NMU: variants seen among roughly 807,000 people sequenced by gnomAD.
NMU encodes the protein neuromedin U.
A neutral mutation model predicts 35.4 loss-of-function variants in NMU; 29 were observed. The ratio of observed to expected loss-of-function variants is 0.82; its 90% CI spans 0.61 to 1.12. The LOEUF is 1.12. Among genes scored for constraint, NMU ranks in the 50% most tolerant of loss-of-function variants. The pLI is 0.00. For missense variants in NMU, 199 were observed against 206.2 expected (o/e 0.97, Z 0.21); for synonymous variants, 78 against 81.3 (o/e 0.96, Z 0.22).
intron 9 of NMU, among the ~76,000 whole-genome samples, chr4:55,597,664 C>A (rs1023309787): frequency 7.9e-5 from 12 of 152,102 alleles, no homozygotes; most frequent in Admixed American, 7.9e-4. Flanking sequence ...CCGTGCCCAG[C>A]CGCGGGTATA....
chr4:55,599,043 T>C, intron 9 of NMU, 99 bp downstream of exon 9: 2 of 768,632 alleles, frequency 2.6e-6, no homozygotes, highest in Non-Finnish European at 4.5e-6. Flanking sequence ...CATAGTTTAA[T>C]TTGTGACTAT....
At chr4:55,618,727 C>CT (rs1553910947) in intron 2 of NMU, among the ~76,000 whole-genome samples, 1 of 141,212 alleles carries the variant, frequency 7.1e-6, no homozygotes, top group Non-Finnish European at 1.5e-5. Flanking sequence ...TTCTCTCTTT[C>CT]TTCTTTCTTT....
intron 2 of NMU, among the ~76,000 whole-genome samples, chr4:55,624,145 A>G (rs1462804299): frequency 6.6e-6 from 1 of 150,550 alleles, no homozygotes; most frequent in African/African-American, 2.4e-5. Flanking sequence ...AAGCAATGGC[A>G]ACAAAAGCCA....
chr4:55,618,077 G>A (rs1734178199), intron 2 of NMU, among the ~76,000 whole-genome samples: 1 of 152,190 alleles, frequency 6.6e-6, no homozygotes, highest in South Asian at 2.1e-4. Flanking sequence ...GGTTTTGAAT[G>A]CCACTGACTG....
chr4:55,632,789 A>AC (rs1271075193), intron 1 of NMU, among the ~76,000 whole-genome samples: 1 of 152,166 alleles, frequency 6.6e-6, no homozygotes, highest in Non-Finnish European at 1.5e-5. Flanking sequence ...CCTCAACTTC[A>AC]CTGTGTTCAG....
chr4:55,629,697 C>T (rs1392099799), intron 2 of NMU, among the ~76,000 whole-genome samples: 1 of 150,276 alleles, frequency 6.7e-6, no homozygotes, highest in African/African-American at 2.4e-5. Flanking sequence ...AAAATATTTC[C>T]AGTAGCTCTA....
chr4:55,604,479 A>G (rs1733592428), intron 7 of NMU, among the ~76,000 whole-genome samples: 1 of 151,790 alleles, frequency 6.6e-6, no homozygotes, highest in Non-Finnish European at 1.5e-5. Context: ...TTTGTTGAAA[A>G]AAACAAAGTA....
chr4:55,618,268 G>A (rs897040545), intron 2 of NMU, among the ~76,000 whole-genome samples: 2 of 152,040 alleles, frequency 1.3e-5, no homozygotes, highest in Non-Finnish European at 2.9e-5. Flanking sequence ...TTGTTACATA[G>A]GTATACACAT....
At chr4:55,630,046 CT>C (rs11290756) in intron 2 of NMU, among the ~76,000 whole-genome samples, 146,578 of 151,362 alleles carry the variant, frequency 0.97, 71,020 homozygotes, top group East Asian at 1. Flanking sequence ...TATACTTAGT[CT>C]TTTTTTTGTT....
intron 9 of NMU, among the ~76,000 whole-genome samples, chr4:55,597,588 G>C (rs1330406216): frequency 6.6e-6 from 1 of 152,050 alleles, no homozygotes; most frequent in African/African-American, 2.4e-5. Flanking sequence ...GGCTGGTCAG[G>C]CTCCCGACCT....
At chr4:55,634,442 T>C (rs1305170718) in intron 1 of NMU, among the ~76,000 whole-genome samples, 1 of 152,172 alleles carries the variant, frequency 6.6e-6, no homozygotes, top group African/African-American at 2.4e-5. Context: ...TCAGCAGATA[T>C]GCTCTTTTGG....
intron 3 of NMU, 87 bp from the exon 4 acceptor site, chr4:55,609,266 G>A (rs1733833016): frequency 2.1e-6 from 2 of 971,924 alleles, no homozygotes; most frequent in Non-Finnish European, 3.3e-6. Context: ...TTAGGGGCAT[G>A]AGGAAATGCT....
rs557830843 is a variant in NMU at position 55,617,442 on chromosome 4, T to C, written c.172-1057A>G. Among the ~76,000 whole-genome samples, 14 of 152,178 alleles carry C rather than the reference T, an allele frequency of 9.2e-5. No homozygotes were observed. The South Asian group carries it at 2.9e-3, about 32-fold the overall frequency. Reference sequence around the variant, plus strand: ...CCCAAATATTTGGGGAATTGTTTGTTCCACTCATCCTTTGCACCCACCCAC... The same window carrying C: ...CCCAAATATTTGGGGAATTGTTTGTCCCACTCATCCTTTGCACCCACCCAC... On this transcript the variant is annotated intron_variant, in intron 2 of 9. Transcript: ENST00000264218.
intron 9 of NMU, 95 bp from the exon 10 acceptor site, chr4:55,595,506 A>C (rs1038119576): frequency 2.0e-5 from 3 of 148,786 alleles, no homozygotes; most frequent in Admixed American, 6.8e-5. Context: ...ATATTTTGTC[A>C]TAGAATAACA....
intron 2 of NMU, among the ~76,000 whole-genome samples, chr4:55,618,386 G>A (rs574161447): frequency 1.3e-5 from 2 of 151,834 alleles, no homozygotes; most frequent in East Asian, 1.9e-4. Context: ...CAACACCCCC[G>A]ACAGGCTCCG....
intron 7 of NMU, among the ~76,000 whole-genome samples, chr4:55,604,025 A>ATGTATATATACATGTG (rs1733566657): frequency 1.4e-5 from 1 of 71,956 alleles, no homozygotes; most frequent in Non-Finnish European, 3.7e-5. Flanking sequence ...GTGTATATAT[A>ATGTATATATACATGTG]TAATCCTAGA....
rs1560512618 is a variant in NMU at position 55,602,709 on chromosome 4, G to T, written c.436-2134C>A. On this transcript the variant is annotated intron_variant, in intron 7 of 9. Transcript: ENST00000264218. ...ACTTCTAGAGAGTTTGATGACAACT[G>T]CTTTTTTCTTCATTCTGCAAATTCT... Among the ~76,000 whole-genome samples, 3 of 152,270 alleles carry T rather than the reference G, an allele frequency of 2.0e-5. No homozygotes were observed. The East Asian group carries it at 5.8e-4, about 29-fold the overall frequency.
At chr4:55,630,333 T>C in intron 2 of NMU, 69 bp downstream of exon 2, 2 of 1,124,888 alleles carry the variant, frequency 1.8e-6, no homozygotes, top group Non-Finnish European at 2.7e-6. Context: ...AGCTCAATTA[T>C]ACATTTTAAC....
chr4:55,607,893 G>A (rs779041208), intron 4 of NMU, among the ~76,000 whole-genome samples: 5 of 152,044 alleles, frequency 3.3e-5, no homozygotes, highest in Non-Finnish European at 7.4e-5. Context: ...ATTTTTAGCC[G>A]GGCGCGGTGG....
Sources: gnomAD v4.1 joint callset for allele counts (sites outside exome capture counted in the v4.1 genomes callset) on GRCh38, gnomAD v4.1.1 for gene constraint, MANE v1.5 for transcripts, NCBI Gene and HGNC (gene_info 2026-07-23, HGNC 2026-07-21) for gene names.